PGAP3: variants seen among roughly 807,000 people sequenced by gnomAD.
PGAP3 encodes post-GPI attachment to proteins phospholipase 3, also known as GPI-specific phospholipase A2-like PGAP3.
In PGAP3, 31 loss-of-function variants were observed where a neutral mutation model predicts 40.3. The ratio of observed to expected loss-of-function variants is 0.77; its 90% confidence interval spans 0.58 to 1.04. The LOEUF (loss-of-function observed/expected upper bound fraction) is 1.04, where lower values mean the gene tolerates loss of function less well. PGAP3 is among the 50% of genes least tolerant of loss of function. The probability of loss-of-function intolerance (pLI) is 0.00; values close to 1 mark genes in which losing one functional copy is unlikely to be tolerated. For synonymous variants in PGAP3, 191 were observed against 184.5 expected, an observed-to-expected ratio of 1.04 and a Z score of -0.29; for missense variants, 413 against 423.0, an observed-to-expected ratio of 0.98 and a Z score of 0.21.
intron 3 of PGAP3, among the ~76,000 whole-genome samples, chr17:39,683,354 A>G (rs746114989): frequency 2.0e-5 from 3 of 151,940 alleles, no homozygotes; most frequent in Non-Finnish European, 2.9e-5. Context: ...CCTTACCTTT[A>G]ATGCCCCTTC....
At chr17:39,676,455 G>A (rs936812228) in intron 3 of PGAP3, among the ~76,000 whole-genome samples, 2 of 152,088 alleles carry the variant, frequency 1.3e-5, no homozygotes, top group East Asian at 1.9e-4. Flanking sequence ...AAACATATGC[G>A]TAGGGCCACA....
intron 1 of PGAP3, among the ~76,000 whole-genome samples, chr17:39,686,555 ATTTT>A (rs35277523): frequency 1.0e-5 from 1 of 98,512 alleles, no homozygotes. Context: ...CGCACCCGGC[ATTTT>A]TTTTTTTTTT....
rs1267107481 is a variant in PGAP3, at chr17:39,687,926, C to T, written c.89G>A (p.Arg30His). 1.3e-6 allele frequency: 2 copies of T among 1,500,308 alleles called. No individual in the cohort carries two copies. Among genetic ancestry groups the T allele is most frequent in the East Asian group, 2.6e-5 (1 of 38,028 alleles). The allele number at this position is 1,500,308 out of a possible 1,614,324, so 92.9% of individuals were successfully genotyped here. ...CTCTTCGCACTGCAGTACGCAGTCGCGGTACACCGGCTCACGGTCGCCCTG... is the reference window on the plus strand; with the variant it reads ...CTCTTCGCACTGCAGTACGCAGTCGTGGTACACCGGCTCACGGTCGCCCTG... ...GSQGDREPVYRDCVLQCEEQN... is the reference protein window; with the variant it reads ...GSQGDREPVYHDCVLQCEEQN... Residue 30 changes from arginine (R) to histidine (H), a missense_variant, in exon 1 of 8, where the codon CGC becomes CAC. Coordinates refer to ENST00000300658, the MANE Select transcript of PGAP3 (RefSeq NM_033419.5).
chr17:39,679,618 C>T (rs1314633955), intron 3 of PGAP3, among the ~76,000 whole-genome samples: 1 of 152,196 alleles, frequency 6.6e-6, no homozygotes, highest in Admixed American at 6.5e-5. Flanking sequence ...CCCTGCCCTT[C>T]CTGCTTTCTT....
intron 4 of PGAP3, 96 bp downstream of exon 4, chr17:39,674,521 A>G (rs1342275692): frequency 2.0e-5 from 27 of 1,333,782 alleles, no homozygotes; most frequent in Non-Finnish European, 2.7e-5. Flanking sequence ...AGTGCTCCTC[A>G]GAGGGAGTTG....
Position 39,673,500 on chromosome 17 carries a change from C to T in PGAP3, c.694+14G>A. 6.2e-7 allele frequency: 1 copy of T among 1,614,058 alleles called. No individual in the cohort carries two copies. The highest frequency in any genetic ancestry group is 8.5e-7 in the Non-Finnish European group (1 of 1,179,976). ...AGCACTTCTGCAGATGGCCCAAGCC[C>T]CCCAGGGCCTCACCAATAGCCACGT... is the stretch of plus-strand genomic sequence containing the variant. On this transcript the variant is annotated intron_variant, in intron 6 of 7. Transcript: ENST00000300658.
intron 2 of PGAP3, 43 bp from the exon 3 acceptor site, chr17:39,684,792 C>G: frequency 6.6e-7 from 1 of 1,518,850 alleles, no homozygotes; most frequent in Non-Finnish European, 8.8e-7. Context: ...GGCAGGCAAC[C>G]CTCAACTGGC....
At chr17:39,677,938 A>C (rs2057394798) in intron 3 of PGAP3, among the ~76,000 whole-genome samples, 1 of 152,130 alleles carries the variant, frequency 6.6e-6, no homozygotes. Context: ...GTGTCTCAGA[A>C]GTGGGGGAGG....
In PGAP3 at chr17:39,687,802, TGGGCGGGGCTTACCGTGG is replaced by T; in HGVS notation, c.181+14_181+31del. The T allele has an allele frequency of 4.8e-6, 6 of 1,258,128 alleles. No homozygotes were observed. Among genetic ancestry groups the T allele is most frequent in the Non-Finnish European group, 6.0e-6 (6 of 992,886 alleles). 77.9% of individuals were successfully genotyped at this position (1,258,128 alleles called of 1,614,324 possible). A position where few individuals can be genotyped will look rare whatever the true frequency, so the allele number is the denominator to read the frequency against. ...GCGCAGGGGGCGGGAGCAAGACAAATGGGCGGGGCTTACCGTGGGGGTGGGGCTTACCTGCTAGACTCA... is the reference window on the plus strand; with the variant it reads ...GCGCAGGGGGCGGGAGCAAGACAAATGGGTGGGGCTTACCTGCTAGACTCA... On this transcript the variant is annotated intron_variant, in intron 1 of 7. Coordinates refer to ENST00000300658, the MANE Select transcript of PGAP3 (RefSeq NM_033419.5).
intron 3 of PGAP3, among the ~76,000 whole-genome samples, chr17:39,681,107 C>T (rs2057434727): frequency 6.6e-6 from 1 of 152,170 alleles, no homozygotes; most frequent in Non-Finnish European, 1.5e-5. Context: ...CTCAAGCAAT[C>T]CGCCCACTTC....
intron 3 of PGAP3, among the ~76,000 whole-genome samples, chr17:39,680,534 C>A (rs1257668935): frequency 3.3e-5 from 5 of 152,182 alleles, no homozygotes; most frequent in Admixed American, 1.3e-4. Flanking sequence ...GACTTCGCAG[C>A]ACGCCCCATC....
chr17:39,684,620 G>A lies in PGAP3; in HGVS notation c.409C>T (p.His137Tyr). The A allele has an allele frequency of 6.2e-7, 1 of 1,613,706 alleles. No homozygotes were observed. Among genetic ancestry groups the A allele is most frequent in the African/African-American group, 1.3e-5 (1 of 75,042 alleles). The change falls in exon 3 of 8, where the codon CAC (histidine) becomes TAC (tyrosine). Residue 137 changes from histidine (H) to tyrosine (Y), a missense_variant. Transcript: ENST00000300658. ...TFVPASSPMY[H>Y]TCVAFAWVSL... ...ACCCAGGCGAAGGCCACACAGGTGT[G>A]GTACATGGGGGAGGAGGCTGGCACG...
rs2517956 is a variant in PGAP3, at chr17:39,687,606, G to A, written c.181+228C>T. 0.62 allele frequency among the ~76,000 whole-genome samples: 94,667 copies of A among 152,004 alleles called. 29,950 individuals are homozygous for A. Among genetic ancestry groups the A allele is most frequent in the South Asian group, 0.73 (3,524 of 4,820 alleles). The stretch of plus-strand genomic sequence containing the variant: ...TTTCTGTGCCATTCCTAGACATTGT[G>A]GCCCGAATGTATTTAATAAATACCC... On this transcript the variant is annotated intron_variant, in intron 1 of 7. Coordinates refer to ENST00000300658, the MANE Select transcript of PGAP3 (RefSeq NM_033419.5).
At chr17:39,687,803 G>C in intron 1 of PGAP3, 31 bp downstream of exon 1, 1 of 1,354,576 alleles carries the variant, frequency 7.4e-7, no homozygotes, top group Non-Finnish European at 9.6e-7. Context: ...CAAGACAAAT[G>C]GGCGGGGCTT....
intron 2 of PGAP3, among the ~76,000 whole-genome samples, chr17:39,685,203 C>T (rs1597826960): frequency 1.3e-5 from 2 of 151,826 alleles, no homozygotes; most frequent in East Asian, 1.9e-4. Context: ...GCAGGCCAGG[C>T]GCGGTGGCTC....
At chr17:39,674,944 C>A (rs1475962534) in intron 3 of PGAP3, among the ~76,000 whole-genome samples, 1 of 152,166 alleles carries the variant, frequency 6.6e-6, no homozygotes, top group Non-Finnish European at 1.5e-5. Flanking sequence ...GCCTGGGAAC[C>A]AGTTCCGGTA....
At position 39,672,741 on chromosome 17, in the gene PGAP3, G is replaced by C. The variant is rs921783101; in HGVS notation, c.*62C>G. 1.2e-5 allele frequency: 18 copies of C among 1,481,520 alleles called. No homozygotes were observed. The highest frequency in any genetic ancestry group is 1.6e-5 in the Non-Finnish European group (17 of 1,061,232). The allele number at this position is 1,481,520 out of a possible 1,614,324, so 91.8% of individuals were successfully genotyped here. On this transcript the variant is annotated 3_prime_UTR_variant, in exon 8 of 8. Coordinates refer to ENST00000300658, the MANE Select transcript of PGAP3 (RefSeq NM_033419.5). ...AGAAAATCATCTCAAGGGTTGAGGG[G>C]AGAAGGGAGGCCAGCAGGGCGGGGG...
intron 2 of PGAP3, among the ~76,000 whole-genome samples, chr17:39,685,096 C>T (rs2057492624): frequency 6.6e-6 from 1 of 152,102 alleles, no homozygotes; most frequent in Non-Finnish European, 1.5e-5. Context: ...TGACCACGGT[C>T]CTTTGAGCCT....
At chr17:39,683,809 C>A (rs762461558) in intron 3 of PGAP3, among the ~76,000 whole-genome samples, 36 of 152,194 alleles carry the variant, frequency 2.4e-4, no homozygotes, top group Non-Finnish European at 5.1e-4. Flanking sequence ...CATACCTGGG[C>A]TTCTCCAGGG....
Sources: allele counts gnomAD v4.1 joint callset (sites outside exome capture counted in the v4.1 genomes callset), GRCh38; gene constraint gnomAD v4.1.1; transcripts MANE v1.5; gene names NCBI Gene and HGNC (gene_info 2026-07-23, HGNC 2026-07-21).